GRK3: variants seen among roughly 807,000 people sequenced by gnomAD.
The protein encoded by GRK3 is adrenergic, beta, receptor kinase 2.
GRK3 carries 54 observed loss-of-function variants against 95.7 expected under a neutral mutation model. The ratio of observed to expected loss-of-function variants is 0.56; its 90% CI spans 0.45 to 0.71. The LOEUF is 0.71. GRK3 is among the 30% of genes least tolerant of loss of function. The pLI is 0.00. For missense variants in GRK3, 649 were observed against 851.2 expected (o/e 0.76, Z 2.96); for synonymous variants, 281 against 290.8 (o/e 0.97, Z 0.34).
At chr22:25,646,088 A>G (rs1243759723) in intron 3 of GRK3, among the ~76,000 whole-genome samples, 1 of 152,206 alleles carries the variant, frequency 6.6e-6, no homozygotes, top group Non-Finnish European at 1.5e-5. Context: ...TAATAACATT[A>G]TATAAGGACT....
chr22:25,702,369 A>G (rs1241970959), intron 13 of GRK3, among the ~76,000 whole-genome samples: 1 of 152,234 alleles, frequency 6.6e-6, no homozygotes, highest in Non-Finnish European at 1.5e-5. Context: ...TTATGTGTTC[A>G]ACATTCTAAT....
At chr22:25,615,386 A>G (rs1484919157) in intron 2 of GRK3, among the ~76,000 whole-genome samples, 2 of 152,116 alleles carry the variant, frequency 1.3e-5, no homozygotes, top group African/African-American at 2.4e-5. Flanking sequence ...AGAGCCCTCA[A>G]TTGGTTTTGA....
intron 1 of GRK3, among the ~76,000 whole-genome samples, chr22:25,589,538 T>C (rs563267281): frequency 6.5e-4 from 99 of 152,330 alleles, no homozygotes; most frequent in Admixed American, 1.6e-3. Context: ...GTATACAGTG[T>C]ATGATATACA....
In GRK3 at chr22:25,644,479, A is replaced by T. The variant is rs1435612656; in HGVS notation, c.191-113A>T. The T allele has an allele frequency of 2.6e-5, 12 of 458,738 alleles. No individual in the cohort carries two copies. In the East Asian group the frequency reaches 4.1e-4, roughly 16 times the overall value. The allele number at this position is 458,738 out of a possible 1,614,324, so 28.4% of individuals were successfully genotyped here. On this transcript the variant is annotated intron_variant, in intron 2 of 20. Coordinates refer to ENST00000324198, the MANE Select transcript of GRK3 (RefSeq NM_005160.4). The stretch of plus-strand genomic sequence containing the variant: ...CTTCTTGAAATCTTTTTTTTAAAAA[A>T]AAAAGTAGAGGAGGAAGAGGTTGAG...
At chr22:25,625,217 C>G (rs1003291810) in intron 2 of GRK3, among the ~76,000 whole-genome samples, 1 of 152,102 alleles carries the variant, frequency 6.6e-6, no homozygotes, top group Non-Finnish European at 1.5e-5. Flanking sequence ...ATAGTTATAC[C>G]AGATATAGAT....
At chr22:25,672,995 A>T (rs1024110955) in intron 7 of GRK3, among the ~76,000 whole-genome samples, 57 of 150,098 alleles carry the variant, frequency 3.8e-4, no homozygotes, top group African/African-American at 1.4e-3. Flanking sequence ...ATTGGGCAAA[A>T]CAATCAACCG....
rs2085467339 is a variant in GRK3, at chr22:25,725,615, C to T, written c.*3165C>T. The T allele has an allele frequency of 2.5e-6, 1 of 398,498 alleles. No homozygotes were observed. The highest frequency in any genetic ancestry group is 2.1e-5 in the African/African-American group (1 of 48,704). 24.7% of individuals were successfully genotyped at this position (398,498 alleles called of 1,614,324 possible). ...CAAAGTGCTCATGCCTCTGATTGGT[C>T]CATTCACTGACGTGACAATTTCAGG... is the stretch of plus-strand genomic sequence containing the variant. On this transcript the variant is annotated 3_prime_UTR_variant, in exon 21 of 21. Coordinates refer to ENST00000324198, the MANE Select transcript of GRK3 (RefSeq NM_005160.4).
At chr22:25,612,009 T>C (rs1273280923) in intron 2 of GRK3, among the ~76,000 whole-genome samples, 1 of 152,048 alleles carries the variant, frequency 6.6e-6, no homozygotes, top group African/African-American at 2.4e-5. Flanking sequence ...ATTTTTTATA[T>C]TTCAGTAGAG....
chr22:25,604,501 T>C (rs2084430773), intron 2 of GRK3, 48 bp downstream of exon 2: 4 of 1,355,298 alleles, frequency 3.0e-6, no homozygotes, highest in African/African-American at 1.4e-5. Flanking sequence ...AGTGATGAAA[T>C]TGGGCGATAC....
At position 25,709,983 on chromosome 22, in the gene GRK3, C is replaced by T. The variant is rs749123700; in HGVS notation, c.1395+19C>T. 3.1e-6 allele frequency: 5 copies of T among 1,588,736 alleles called. No homozygotes were observed. Among genetic ancestry groups the T allele is most frequent in the East Asian group, 2.2e-5 (1 of 44,772 alleles). On this transcript the variant is annotated intron_variant, in intron 16 of 20. Transcript: ENST00000324198. ...ACAAAAGGTACTCACTCCCTCTTGA[C>T]TCTACTTACGGTACTGCCGCCCCGC...
chr22:25,663,968 A>C (rs2084925804), intron 5 of GRK3, among the ~76,000 whole-genome samples: 1 of 152,252 alleles, frequency 6.6e-6, no homozygotes, highest in Non-Finnish European at 1.5e-5. Context: ...GAAATCAGTC[A>C]AGATAAGACA....
At chr22:25,574,356 C>T (rs757598263) in intron 1 of GRK3, among the ~76,000 whole-genome samples, 5 of 151,918 alleles carry the variant, frequency 3.3e-5, no homozygotes, top group South Asian at 2.1e-4. Flanking sequence ...CATAGTGGTG[C>T]GCACCTATGG....
chr22:25,655,793 C>T (rs1018819305), intron 3 of GRK3, among the ~76,000 whole-genome samples: 1 of 152,198 alleles, frequency 6.6e-6, no homozygotes, highest in Non-Finnish European at 1.5e-5. Flanking sequence ...ATGAGGGCTT[C>T]ATATCTGAAC....
chr22:25,659,293 G>A (rs2084894414), intron 3 of GRK3, among the ~76,000 whole-genome samples: 1 of 152,164 alleles, frequency 6.6e-6, no homozygotes, highest in African/African-American at 2.4e-5. Context: ...TAAGGTGAAG[G>A]ACAAAAGAGA....
chr22:25,568,925 G>A (rs1397306208), intron 1 of GRK3, among the ~76,000 whole-genome samples: 1 of 152,206 alleles, frequency 6.6e-6, no homozygotes, highest in African/African-American at 2.4e-5. Flanking sequence ...TAGTCTCCAT[G>A]GTGATATGGT....
intron 2 of GRK3, among the ~76,000 whole-genome samples, chr22:25,625,384 C>T (rs2084619771): frequency 6.6e-6 from 1 of 152,184 alleles, no homozygotes; most frequent in Non-Finnish European, 1.5e-5. Context: ...AAGTGACCAG[C>T]AGACAAGAGT....
chr22:25,634,220 G>A (rs1213312970), intron 2 of GRK3, among the ~76,000 whole-genome samples: 1 of 152,168 alleles, frequency 6.6e-6, no homozygotes, highest in Non-Finnish European at 1.5e-5. Context: ...CCTAACACCT[G>A]TTTTGTTAAT....
chr22:25,643,428 C>A (rs1162550118), intron 2 of GRK3, among the ~76,000 whole-genome samples: 1 of 152,234 alleles, frequency 6.6e-6, no homozygotes. Context: ...CAGACCAGTT[C>A]AAGTTACAAG....
chr22:25,719,229 C>G (rs1345023019), intron 19 of GRK3, among the ~76,000 whole-genome samples: 1 of 151,864 alleles, frequency 6.6e-6, no homozygotes, highest in Non-Finnish European at 1.5e-5. Flanking sequence ...GTTTGGGAAC[C>G]TTTGAGGGTC....
Sources: gnomAD v4.1 joint callset for allele counts (sites outside exome capture counted in the v4.1 genomes callset) on GRCh38, gnomAD v4.1.1 for gene constraint, MANE v1.5 for transcripts, NCBI Gene and HGNC (gene_info 2026-07-23, HGNC 2026-07-21) for gene names.